The following ALCAM variants were observed in gnomAD, a reference collection of about 807,000 sequenced individuals.
ALCAM encodes CD166 antigen.
In ALCAM, 30 loss-of-function variants were observed where a neutral mutation model predicts 70.9. The observed-to-expected ratio is 0.42, with a 90% CI of 0.32 to 0.57. The LOEUF (loss-of-function observed/expected upper bound fraction) is 0.57. Among genes scored for constraint, ALCAM ranks in the 20% least tolerant of loss-of-function variants. ALCAM has a pLI of 0.11. For synonymous variants in ALCAM, 249 were observed against 242.5 expected (o/e 1.03, Z -0.25); for missense variants, 591 against 695.1 (o/e 0.85, Z 1.68).
chr3:105,412,351 T>C lies in ALCAM; in HGVS notation c.73+44870T>C, dbSNP rs566911961. On this transcript the variant is annotated intron_variant, in intron 1 of 15. Coordinates refer to ENST00000306107, the MANE Select transcript of ALCAM (RefSeq NM_001627.4). ...GCTTTATTCTCATTGTGAACTGATA[T>C]GATAGATAATACTTGAGCTATATAA... Among the ~76,000 whole-genome samples, 4 of 152,212 alleles carry C rather than the reference T, an allele frequency of 2.6e-5. No individual in the cohort carries two copies. The South Asian group carries it at 6.2e-4, about 24-fold the overall frequency.
intron 8 of ALCAM, 124 bp downstream of exon 8, chr3:105,541,889 T>A: frequency 8.4e-7 from 1 of 1,183,900 alleles, no homozygotes; most frequent in Non-Finnish European, 1.2e-6. Flanking sequence ...ATAGATGCAG[T>A]AGAGAGAGAA....
chr3:105,521,404 A>G, intron 2 of ALCAM, among the ~76,000 whole-genome samples: 1 of 149,766 alleles, frequency 6.7e-6, no homozygotes, highest in Non-Finnish European at 1.5e-5. Flanking sequence ...TCATAGTTTG[A>G]TTCATTGCTT....
chr3:105,562,551 C>T (rs1940648667), intron 14 of ALCAM, among the ~76,000 whole-genome samples: 3 of 152,032 alleles, frequency 2.0e-5, no homozygotes, highest in Admixed American at 2.0e-4. Flanking sequence ...ATTTTATTAA[C>T]AATTCTTTTG....
chr3:105,366,927 C>T lies in ALCAM; in HGVS notation c.-482C>T. The T allele has an allele frequency of 6.2e-6, 1 of 161,234 alleles. No homozygotes were observed. Among genetic ancestry groups the T allele is most frequent in the Non-Finnish European group, 1.4e-5 (1 of 73,150 alleles). 10.0% of individuals were successfully genotyped at this position (161,234 alleles called of 1,614,324 possible). A position where few individuals can be genotyped will look rare whatever the true frequency, so the allele number is the denominator to read the frequency against. On this transcript the variant is annotated 5_prime_UTR_variant, in exon 1 of 16. Transcript: ENST00000306107. ...TCTACTCAGAGCAGCCCGGAGACCG[C>T]TGCCGCCGCTGCCGCTGCTACCACC...
chr3:105,418,434 T>G (rs555301152), intron 1 of ALCAM, among the ~76,000 whole-genome samples: 2 of 151,788 alleles, frequency 1.3e-5, no homozygotes, highest in African/African-American at 2.4e-5. Flanking sequence ...GCACTATTTC[T>G]TCCTGAATCT....
chr3:105,478,244 C>T (rs1938174023), intron 1 of ALCAM, among the ~76,000 whole-genome samples: 1 of 152,084 alleles, frequency 6.6e-6, no homozygotes, highest in African/African-American at 2.4e-5. Flanking sequence ...AGATTCAAGG[C>T]TGCTGTTCTT....
At chr3:105,497,770 G>A (rs1438521805) in intron 1 of ALCAM, among the ~76,000 whole-genome samples, 1 of 152,114 alleles carries the variant, frequency 6.6e-6, no homozygotes, top group Non-Finnish European at 1.5e-5. Context: ...GGTCGCTCAC[G>A]CCTGTAATCC....
intron 1 of ALCAM, among the ~76,000 whole-genome samples, chr3:105,402,938 CTTTTTTTTT>C (rs58126212): frequency 8.5e-6 from 1 of 117,254 alleles, no homozygotes; most frequent in South Asian, 2.6e-4. Context: ...AGCTGATGCG[CTTTTTTTTT>C]TTTTTTTTTT....
At chr3:105,450,248 T>C (rs535002594) in intron 1 of ALCAM, among the ~76,000 whole-genome samples, 1 of 152,310 alleles carries the variant, frequency 6.6e-6, no homozygotes, top group East Asian at 1.9e-4. Context: ...GCTTGAAATA[T>C]CTCTCTTCTA....
intron 1 of ALCAM, among the ~76,000 whole-genome samples, chr3:105,479,414 C>T (rs537410864): frequency 6.6e-6 from 1 of 152,150 alleles, no homozygotes; most frequent in African/African-American, 2.4e-5. Context: ...AAGAAACCTT[C>T]CTAAATATCA....
chr3:105,512,323 T>A (rs1170766813), intron 1 of ALCAM, among the ~76,000 whole-genome samples: 1 of 144,432 alleles, frequency 6.9e-6, no homozygotes, highest in Non-Finnish European at 1.5e-5. Flanking sequence ...TCAATTAAGA[T>A]CCTTTGGGAA....
intron 1 of ALCAM, among the ~76,000 whole-genome samples, chr3:105,450,148 T>G (rs1481424391): frequency 6.6e-6 from 1 of 152,228 alleles, no homozygotes; most frequent in Non-Finnish European, 1.5e-5. Flanking sequence ...AGGTGCTATG[T>G]ACATAGTATA....
intron 1 of ALCAM, among the ~76,000 whole-genome samples, chr3:105,513,594 A>C (rs1414044493): frequency 6.6e-6 from 1 of 151,936 alleles, no homozygotes; most frequent in African/African-American, 2.4e-5. Context: ...CAAGTTAAGA[A>C]ATGCTAATGA....
At chr3:105,435,048 C>T (rs77695831) in intron 1 of ALCAM, among the ~76,000 whole-genome samples, 2,333 of 152,254 alleles carry the variant, frequency 0.015, 25 homozygotes, top group Middle Eastern at 0.048. Context: ...AATGATATGG[C>T]ATCAGGCAAT....
chr3:105,514,035 G>A (rs1939313989), intron 1 of ALCAM, among the ~76,000 whole-genome samples: 1 of 151,900 alleles, frequency 6.6e-6, no homozygotes, highest in Non-Finnish European at 1.5e-5. Flanking sequence ...TCAATTCAGT[G>A]ATGAGGTCAA....
intron 1 of ALCAM, among the ~76,000 whole-genome samples, chr3:105,381,781 GA>G (rs1935527234): frequency 1.3e-5 from 2 of 151,640 alleles, no homozygotes; most frequent in Non-Finnish European, 2.9e-5. Context: ...CATATTTTAA[GA>G]AACCAAAAGA....
At chr3:105,378,903 A>G (rs955946085) in intron 1 of ALCAM, among the ~76,000 whole-genome samples, 12 of 151,886 alleles carry the variant, frequency 7.9e-5, no homozygotes, top group African/African-American at 2.9e-4. Context: ...TTGAGTAGTG[A>G]TTTGATGGTA....
At chr3:105,522,271 T>C (rs550082791) in intron 2 of ALCAM, among the ~76,000 whole-genome samples, 2 of 152,278 alleles carry the variant, frequency 1.3e-5, no homozygotes, top group South Asian at 4.1e-4. Context: ...CACTATATGC[T>C]CTAAAGTCAA....
chr3:105,431,134 C>T (rs1936920869), intron 1 of ALCAM, among the ~76,000 whole-genome samples: 1 of 145,492 alleles, frequency 6.9e-6, no homozygotes, highest in South Asian at 2.2e-4. Context: ...CACTTATATC[C>T]TTCGAAACAA....
Sources: gnomAD v4.1 joint callset for allele counts (sites outside exome capture counted in the v4.1 genomes callset) on GRCh38, gnomAD v4.1.1 for gene constraint, MANE v1.5 for transcripts, NCBI Gene and HGNC (gene_info 2026-07-23, HGNC 2026-07-21) for gene names.